Variants in HSD17B12 observed in about 807,000 individuals in gnomAD.
HSD17B12 encodes very-long-chain 3-oxoacyl-CoA reductase.
A neutral mutation model predicts 39.3 loss-of-function variants in HSD17B12; 32 were observed. The observed-to-expected ratio is 0.81, with a 90% CI of 0.61 to 1.09. The LOEUF is 1.09. HSD17B12 is among the 50% of genes least tolerant of loss of function. The probability of loss-of-function intolerance (pLI) is 0.00; values close to 1 mark genes in which losing one functional copy is unlikely to be tolerated. For synonymous variants in HSD17B12, 150 were observed against 146.7 expected, an observed-to-expected ratio of 1.02 and a Z score of -0.16; for missense variants, 342 against 382.9, an observed-to-expected ratio of 0.89 and a Z score of 0.89.
the HSD17B12 span, among the ~76,000 whole-genome samples, chr11:43,666,273 G>A: frequency 6.6e-6 from 1 of 152,082 alleles, no homozygotes; most frequent in South Asian, 2.1e-4. Context: ...GTGCAGTCAT[G>A]GCTTACTGCA....
In HSD17B12 at chr11:43,821,952, T is replaced by C. The variant is rs115055607; in HGVS notation, c.501+5561T>C. On this transcript the variant is annotated intron_variant, in intron 6 of 10. Coordinates refer to ENST00000278353, the MANE Select transcript of HSD17B12 (RefSeq NM_016142.3). ...CAGATAAGCACTGCCCAAACAGTAT[T>C]ACCTGAACTGCCTGTGGTGCCTATG... is the stretch of plus-strand genomic sequence containing the variant. 7.5e-3 allele frequency among the ~76,000 whole-genome samples: 1,146 copies of C among 152,298 alleles called. 18 individuals carry two copies. The highest frequency in any genetic ancestry group is 0.026 in the African/African-American group (1,088 of 41,570).
intron 9 of HSD17B12, among the ~76,000 whole-genome samples, chr11:43,850,896 T>C (rs1951524318): frequency 6.6e-6 from 1 of 152,146 alleles, no homozygotes; most frequent in Non-Finnish European, 1.5e-5. Flanking sequence ...ACTCCATCTC[T>C]ACTAAAAATA....
chr11:43,699,808 G>C (rs1949946345), intron 1 of HSD17B12, among the ~76,000 whole-genome samples: 1 of 152,138 alleles, frequency 6.6e-6, no homozygotes, highest in Non-Finnish European at 1.5e-5. Flanking sequence ...CAAAAAATGG[G>C]CAGAAGATTT....
chr11:43,701,797 G>T (rs998646679), intron 1 of HSD17B12, among the ~76,000 whole-genome samples: 1 of 152,136 alleles, frequency 6.6e-6, no homozygotes, highest in African/African-American at 2.4e-5. Context: ...GCTTAGGATA[G>T]CTTTGACTTT....
the HSD17B12 span, among the ~76,000 whole-genome samples, chr11:43,557,379 G>T: frequency 1.3e-5 from 2 of 152,272 alleles, no homozygotes; most frequent in African/African-American, 4.8e-5. Flanking sequence ...TTCCAAAAAG[G>T]CTTCATGAAG....
At chr11:43,654,806 A>G in the HSD17B12 span, among the ~76,000 whole-genome samples, 11 of 152,028 alleles carry the variant, frequency 7.2e-5, no homozygotes, top group East Asian at 1.5e-3. Flanking sequence ...TAGCCTTGTA[A>G]TATAGTTTGA....
In HSD17B12 at chr11:43,851,548, A is replaced by G. The variant is rs558969620; in HGVS notation, c.685-3167A>G. ...CCTGTTTAGATAGGTGCTCTTATAT[A>G]TGCTTCAGAATTTCTAAAATTTTGG... is the stretch of plus-strand genomic sequence containing the variant. On this transcript the variant is annotated intron_variant, in intron 9 of 10. Coordinates refer to ENST00000278353, the MANE Select transcript of HSD17B12 (RefSeq NM_016142.3). 4.6e-5 allele frequency among the ~76,000 whole-genome samples: 7 copies of G among 152,308 alleles called. No homozygotes were observed. The East Asian group carries it at 1.2e-3, about 25-fold the overall frequency.
intron 9 of HSD17B12, chr11:43,853,848 A>C (rs1951557029): frequency 6.6e-6 from 1 of 152,198 alleles, no homozygotes; most frequent in African/African-American, 2.4e-5. Flanking sequence ...CACACATGTG[A>C]GATAAACAAT....
At chr11:43,760,876 C>A (rs1950550130) in intron 3 of HSD17B12, among the ~76,000 whole-genome samples, 1 of 152,188 alleles carries the variant, frequency 6.6e-6, no homozygotes, top group Non-Finnish European at 1.5e-5. Context: ...AAAACTGCTT[C>A]TTTAATGCTA....
At chr11:43,719,883 CTGGTGG>C (rs1201526230) in intron 1 of HSD17B12, among the ~76,000 whole-genome samples, 1 of 152,108 alleles carries the variant, frequency 6.6e-6, no homozygotes, top group African/African-American at 2.4e-5. Context: ...TTAGTCCAAA[CTGGTGG>C]TACTTTTAGT....
At chr11:43,577,556 A>C in the HSD17B12 span, among the ~76,000 whole-genome samples, 1 of 152,112 alleles carries the variant, frequency 6.6e-6, no homozygotes, top group Non-Finnish European at 1.5e-5. Context: ...ATGGTGACTC[A>C]AAATAAGAGC....
intron 3 of HSD17B12, among the ~76,000 whole-genome samples, chr11:43,764,833 G>A (rs1424591675): frequency 6.6e-6 from 1 of 152,106 alleles, no homozygotes; most frequent in Non-Finnish European, 1.5e-5. Flanking sequence ...ACAGCATAGA[G>A]TTGATCTCGC....
chr11:43,611,692 C>T, the HSD17B12 span, among the ~76,000 whole-genome samples: 1 of 152,098 alleles, frequency 6.6e-6, no homozygotes, highest in African/African-American at 2.4e-5. Context: ...CCACCAGTTG[C>T]CTTTGTTGTC....
intron 1 of HSD17B12, among the ~76,000 whole-genome samples, chr11:43,717,871 C>G (rs1950138954): frequency 6.8e-6 from 1 of 147,848 alleles, no homozygotes; most frequent in Non-Finnish European, 1.5e-5. Flanking sequence ...GTGGCACCAT[C>G]TTGGCTCATT....
intron 3 of HSD17B12, among the ~76,000 whole-genome samples, chr11:43,777,568 T>A (rs192078021): frequency 2.0e-5 from 3 of 152,290 alleles, no homozygotes; most frequent in Admixed American, 2.0e-4. Context: ...ACAATTTGAC[T>A]TCCTGTTCTC....
At chr11:43,754,480 G>A (rs1950492548) in intron 3 of HSD17B12, among the ~76,000 whole-genome samples, 1 of 152,168 alleles carries the variant, frequency 6.6e-6, no homozygotes, top group Non-Finnish European at 1.5e-5. Context: ...GGAGGCTGAG[G>A]CAGGAGAATC....
rs771325924 is a variant in HSD17B12, at chr11:43,680,838, C to T, written c.11C>T (p.Ala4Val). 1.9e-6 allele frequency: 3 copies of T among 1,613,994 alleles called. No homozygotes were observed. Among genetic ancestry groups the T allele is most frequent in the African/African-American group, 1.3e-5 (1 of 74,920 alleles). ...GCCTAGTGGAAAGCCATGGAGAGCGCTCTCCCCGCCGCCGGCTTCCTGTAC... is the reference window on the plus strand; with the variant it reads ...GCCTAGTGGAAAGCCATGGAGAGCGTTCTCCCCGCCGCCGGCTTCCTGTAC... Reference protein sequence around the residue: MESALPAAGFLYWV... With the variant: MESVLPAAGFLYWV... Residue 4 changes from alanine to valine, a missense_variant, in exon 1 of 11, where the codon GCT becomes GTT. By Grantham distance (64) the Ala-to-Val change is moderately conservative (BLOSUM62 0). Transcript: ENST00000278353.
At chr11:43,754,413 A>T (rs1268947500) in intron 3 of HSD17B12, among the ~76,000 whole-genome samples, 1 of 152,000 alleles carries the variant, frequency 6.6e-6, no homozygotes, top group Non-Finnish European at 1.5e-5. Flanking sequence ...TCTCTACTAA[A>T]AATTAAAAAA....
intron 1 of HSD17B12, among the ~76,000 whole-genome samples, chr11:43,748,735 T>C (rs533337465): frequency 3.3e-5 from 5 of 152,338 alleles, no homozygotes; most frequent in African/African-American, 1.2e-4. Context: ...TAGTTACTAA[T>C]GTTTCCTATA....
Sources: gnomAD v4.1 joint callset for allele counts (sites outside exome capture counted in the v4.1 genomes callset) on GRCh38, gnomAD v4.1.1 for gene constraint, MANE v1.5 for transcripts, NCBI Gene and HGNC (gene_info 2026-07-23, HGNC 2026-07-21) for gene names.